COLGALT2: variants seen among roughly 807,000 people sequenced by gnomAD.
COLGALT2 encodes the protein procollagen galactosyltransferase 2.
In COLGALT2, 49 loss-of-function variants were observed where a neutral mutation model predicts 73.4. The ratio of observed to expected loss-of-function variants is 0.67; its 90% CI spans 0.53 to 0.85. COLGALT2 has a LOEUF of 0.85. Ranked by LOEUF, COLGALT2 falls within the 40% of genes least tolerant of loss-of-function variation. The pLI is 0.00. For synonymous variants in COLGALT2, 295 were observed against 307.6 expected (o/e 0.96, Z 0.43); for missense variants, 722 against 790.2 (o/e 0.91, Z 1.03).
downstream of COLGALT2, among the ~76,000 whole-genome samples, chr1:183,932,477 C>G (rs987020737): frequency 2.0e-5 from 3 of 152,078 alleles, no homozygotes; most frequent in African/African-American, 7.2e-5. Context: ...CTCCAACCTC[C>G]TCCCGGGAGG....
At chr1:183,998,054 A>G (rs942909995) in intron 1 of COLGALT2, among the ~76,000 whole-genome samples, 4 of 152,208 alleles carry the variant, frequency 2.6e-5, no homozygotes, top group African/African-American at 9.6e-5. Context: ...AGGTCTGAAT[A>G]TGTTCAACTT....
intron 1 of COLGALT2, among the ~76,000 whole-genome samples, chr1:183,979,684 C>T (rs1396498332): frequency 6.6e-6 from 1 of 151,902 alleles, no homozygotes; most frequent in African/African-American, 2.4e-5. Flanking sequence ...TTGCTGACCC[C>T]TAATATAGTA....
chr1:183,969,228 T>A (rs1265642645), intron 5 of COLGALT2, 41 bp downstream of exon 5: 3 of 1,507,432 alleles, frequency 2.0e-6, no homozygotes, highest in Non-Finnish European at 2.7e-6. Context: ...GTCATTTTGC[T>A]GTGTCTCCAT....
At chr1:184,010,089 C>T (rs1364574394) in intron 1 of COLGALT2, among the ~76,000 whole-genome samples, 2 of 152,162 alleles carry the variant, frequency 1.3e-5, no homozygotes, top group East Asian at 3.9e-4. Context: ...AGGTTTCCAG[C>T]ATGGCTCTGG....
At chr1:184,027,437 C>T (rs915852915) in intron 1 of COLGALT2, among the ~76,000 whole-genome samples, 1 of 152,156 alleles carries the variant, frequency 6.6e-6, no homozygotes, top group African/African-American at 2.4e-5. Flanking sequence ...TGAAATGGGC[C>T]CCAGAAATCC....
At chr1:184,014,384 A>G (rs1333223045) in intron 1 of COLGALT2, among the ~76,000 whole-genome samples, 1 of 152,234 alleles carries the variant, frequency 6.6e-6, no homozygotes, top group Non-Finnish European at 1.5e-5. Flanking sequence ...AGGGGACTGA[A>G]GAGAAAGTGA....
Position 183,945,547 on chromosome 1 carries a change from T to A in COLGALT2, c.1154A>T (p.Gln385Leu), listed in dbSNP as rs61743924. 8.5e-3 allele frequency: 13,658 copies of A among 1,614,184 alleles called. 81 individuals carry two copies. The highest frequency in any genetic ancestry group is 9.7e-3 in the Non-Finnish European group (11,464 of 1,180,016). ...AVDGKALNTS[Q>L]LKALNIEMLP... ...CATTTCAATATTCAGTGCCTTCAGCTGGCTTGTGTTGAGTGCCCTGCATCA... is the reference window on the plus strand; with the variant it reads ...CATTTCAATATTCAGTGCCTTCAGCAGGCTTGTGTTGAGTGCCCTGCATCA... The change falls in exon 9 of 12, where the codon CAG becomes CTG. Residue 385 changes from glutamine to leucine, a missense_variant. Gln to Leu is a moderately radical substitution (Grantham distance 113). Transcript: ENST00000361927.
rs933852134 is a variant in COLGALT2 at position 183,953,772 on chromosome 1, C to A, written c.1029+990G>T. On this transcript the variant is annotated intron_variant, in intron 7 of 11. Coordinates refer to ENST00000361927, the MANE Select transcript of COLGALT2 (RefSeq NM_015101.4). ...CCCCACTTAATAATCATGAAATATT[C>A]TTTCCCCCTTCCTGAAGTATAGCTC... Among the ~76,000 whole-genome samples, 58 of 152,180 alleles carry A rather than the reference C, an allele frequency of 3.8e-4. 1 individual carries two copies. The highest frequency in any genetic ancestry group is 1.0e-4 in the Non-Finnish European group (7 of 68,024).
intron 5 of COLGALT2, among the ~76,000 whole-genome samples, chr1:183,967,249 C>T (rs554295958): frequency 1.3e-5 from 2 of 152,378 alleles, no homozygotes; most frequent in East Asian, 3.9e-4. Context: ...ATGGTCTGCA[C>T]CGCCAGTCTG....
At chr1:184,014,829 C>T (rs1648948853) in intron 1 of COLGALT2, among the ~76,000 whole-genome samples, 1 of 152,164 alleles carries the variant, frequency 6.6e-6, no homozygotes, top group Admixed American at 6.5e-5. Flanking sequence ...TTTTCATCCA[C>T]TAGCTTTAGT....
intron 5 of COLGALT2, among the ~76,000 whole-genome samples, chr1:183,964,960 A>T (rs1670826156): frequency 6.6e-6 from 1 of 152,252 alleles, no homozygotes; most frequent in Non-Finnish European, 1.5e-5. Flanking sequence ...TTATCTGCAT[A>T]GGGACTCCTC....
intron 7 of COLGALT2, among the ~76,000 whole-genome samples, chr1:183,952,604 CACTA>C (rs1670430979): frequency 1.3e-5 from 2 of 152,178 alleles, no homozygotes; most frequent in African/African-American, 4.8e-5. Flanking sequence ...TTAAAAGCTA[CACTA>C]ACTAAAATTT....
At chr1:184,028,717 T>G (rs1440567351) in intron 1 of COLGALT2, among the ~76,000 whole-genome samples, 1 of 152,194 alleles carries the variant, frequency 6.6e-6, no homozygotes. Context: ...ACCATACTCT[T>G]GGGGGTATAC....
Position 183,990,179 on chromosome 1 carries a change from T to C in COLGALT2, c.264-11659A>G, listed in dbSNP as rs1242423395. Among the ~76,000 whole-genome samples, 7 of 152,236 alleles carry C rather than the reference T, an allele frequency of 4.6e-5. No homozygotes were observed. In the East Asian group the frequency reaches 1.3e-3, roughly 29 times the overall value. ...TTAGCTGAGTCTATGACTGTCCGGC[T>C]TAAAGAGTAAACTTTAGGCTCAATG... On this transcript the variant is annotated intron_variant, in intron 1 of 11. Coordinates refer to ENST00000361927, the MANE Select transcript of COLGALT2 (RefSeq NM_015101.4).
In COLGALT2 at chr1:184,037,447, G is replaced by A. The variant is rs946299262; in HGVS notation, c.-90C>T. Reference sequence around the variant, plus strand: ...CGGCGGCGGCTGCCGGGGAGCAAGGGGCTGCGAGGGGCGGCCGGGGGATGC... The same window carrying A: ...CGGCGGCGGCTGCCGGGGAGCAAGGAGCTGCGAGGGGCGGCCGGGGGATGC... On this transcript the variant is annotated 5_prime_UTR_variant, in exon 1 of 12. Transcript: ENST00000361927. 3.3e-6 allele frequency: 4 copies of A among 1,222,572 alleles called. No individual in the cohort carries two copies. The African/African-American group carries it at 6.3e-5, about 19-fold the overall frequency. The allele number at this position is 1,222,572 out of a possible 1,614,324, so 75.7% of individuals were successfully genotyped here.
chr1:184,032,541 T>C (rs1193751455), intron 1 of COLGALT2, among the ~76,000 whole-genome samples: 1 of 152,202 alleles, frequency 6.6e-6, no homozygotes, highest in Non-Finnish European at 1.5e-5. Flanking sequence ...GCTTGTATAT[T>C]TCTTCCTCCA....
intron 5 of COLGALT2, among the ~76,000 whole-genome samples, chr1:183,968,170 A>G (rs898728300): frequency 4.6e-5 from 7 of 152,146 alleles, no homozygotes; most frequent in Non-Finnish European, 7.4e-5. Context: ...TTTATTCACC[A>G]TCTTCTTGGT....
chr1:183,951,698 G>C (rs1254471842), intron 7 of COLGALT2, among the ~76,000 whole-genome samples: 4 of 151,934 alleles, frequency 2.6e-5, no homozygotes, highest in African/African-American at 7.3e-5. Flanking sequence ...AAAAATGGAA[G>C]GATATTAAGA....
chr1:184,005,714 T>C (rs868118258), intron 1 of COLGALT2, among the ~76,000 whole-genome samples: 3 of 152,106 alleles, frequency 2.0e-5, no homozygotes, highest in African/African-American at 4.8e-5. Context: ...TGAGTGCTGA[T>C]AGAACTCGAC....
Sources: gnomAD v4.1 joint callset for allele counts (sites outside exome capture counted in the v4.1 genomes callset) on GRCh38, gnomAD v4.1.1 for gene constraint, MANE v1.5 for transcripts, NCBI Gene and HGNC (gene_info 2026-07-23, HGNC 2026-07-21) for gene names.